Variants in RBM7 observed in about 807,000 individuals in gnomAD.
The protein encoded by RBM7 is RNA binding motif protein 7, also known as RNA-binding protein 7.
A neutral mutation model predicts 31.0 loss-of-function variants in RBM7; 13 were observed. That is an observed-to-expected ratio of 0.42 (90% CI 0.27 to 0.67). The LOEUF is 0.67. RBM7 is among the 30% of genes least tolerant of loss of function. The pLI, the probability that RBM7 is intolerant of heterozygous loss-of-function variation, is 0.24. For missense variants in RBM7, 245 were observed against 326.2 expected, an observed-to-expected ratio of 0.75 and a Z score of 1.92; for synonymous variants, 106 against 111.2, an observed-to-expected ratio of 0.95 and a Z score of 0.30.
chr11:114,402,382 C>CTTTTTTTTTTTTTT lies in RBM7; in HGVS notation c.260-420_260-407dup, dbSNP rs71063570. Among the ~76,000 whole-genome samples, 2 of 50,162 alleles carry CTTTTTTTTTTTTTT rather than the reference C, an allele frequency of 4.0e-5. 1 individual carries two copies. The highest frequency in any genetic ancestry group is 7.8e-5 in the Non-Finnish European group (2 of 25,788). 32.9% of individuals were successfully genotyped at this position (50,162 alleles called of 152,430 possible). A position where few individuals can be genotyped will look rare whatever the true frequency, so the allele number is the denominator to read the frequency against. ...AAGCGGTCTACAGCAGCTTGAGATT[C>CTTTTTTTTTTTTTT]TTTTTTTTTTTTTTTTTTTTTTTTT... On this transcript the variant is annotated intron_variant, in intron 2 of 4. Coordinates refer to ENST00000375490, the MANE Select transcript of RBM7 (RefSeq NM_001286045.2).
rs2135358051 is a variant in RBM7, at chr11:114,407,867, A to G, written c.*60A>G. 3 of 1,495,666 alleles carry G rather than the reference A, an allele frequency of 2.0e-6. No individual in the cohort carries two copies. Among genetic ancestry groups the G allele is most frequent in the Non-Finnish European group, 2.7e-6 (3 of 1,124,940 alleles). 92.6% of individuals were successfully genotyped at this position (1,495,666 alleles called of 1,614,324 possible). A position where few individuals can be genotyped will look rare whatever the true frequency, so the allele number is the denominator to read the frequency against. Reference sequence around the variant, plus strand: ...TTTTAGGCCCTTTGACTAAGTTGATATGGAAATATTTTGTTGAAAAACTGT... The same window carrying G: ...TTTTAGGCCCTTTGACTAAGTTGATGTGGAAATATTTTGTTGAAAAACTGT... On this transcript the variant is annotated 3_prime_UTR_variant, in exon 5 of 5. Transcript: ENST00000375490.
chr11:114,401,725 C>T lies in RBM7; in HGVS notation c.124C>T (p.Pro42Ser). ...TGGGCCAGTAATAAAGGTGAAAATT[C>T]CAAAAGATAAGGATGGTAAACCAAA... ...QAGPVIKVKIPKDKDGKPKQF... is the reference protein window; with the variant it reads ...QAGPVIKVKISKDKDGKPKQF... The change falls in exon 2 of 5, where the codon CCA becomes TCA. Residue 42 changes from proline (P) to serine (S), a missense_variant. Pro to Ser is a moderately conservative substitution (Grantham distance 74). Transcript: ENST00000375490. The T allele has an allele frequency of 6.5e-7, 1 of 1,548,476 alleles. No homozygotes were observed. The highest frequency in any genetic ancestry group is 8.7e-7 in the Non-Finnish European group (1 of 1,155,498).
rs1272215427 is a variant in RBM7, at chr11:114,408,541, G to A, written c.*734G>A. ...GAACAAAAATGTCAGTGCATAGTTA[G>A]ATAAAATGGTAAAATGTTTTACTGA... On this transcript the variant is annotated 3_prime_UTR_variant, in exon 5 of 5. Transcript: ENST00000375490. 1 of 152,704 alleles carries A rather than the reference G, an allele frequency of 6.5e-6. No homozygotes were observed. Among genetic ancestry groups the A allele is most frequent in the East Asian group, 1.9e-4 (1 of 5,332 alleles). 9.5% of individuals were successfully genotyped at this position (152,704 alleles called of 1,614,324 possible).
intron 4 of RBM7, chr11:114,406,017 C>T (rs1344310969): frequency 2.4e-5 from 11 of 463,440 alleles, no homozygotes; most frequent in African/African-American, 1.6e-4. Flanking sequence ...TTAGTTTTCA[C>T]TGGGCTGAAA....
chr11:114,403,158 T>G (rs918648367), intron 3 of RBM7, among the ~76,000 whole-genome samples: 24 of 152,360 alleles, frequency 1.6e-4, no homozygotes, highest in African/African-American at 5.5e-4. Context: ...ATTTGTTGAT[T>G]TGTAGCGACA....
At position 114,410,218 on chromosome 11, in the gene RBM7, T is replaced by A. The variant is rs1184234470; in HGVS notation, c.*2411T>A. ...TTTCCTGTGGAATGCTAGTGTCTCA[T>A]AAAGTCTTCTAAAAAAAAGAAAAAA... On this transcript the variant is annotated 3_prime_UTR_variant, in exon 5 of 5. Coordinates refer to ENST00000375490, the MANE Select transcript of RBM7 (RefSeq NM_001286045.2). The A allele has an allele frequency of 1.4e-5, 2 of 144,974 alleles. No individual in the cohort carries two copies. The highest frequency in any genetic ancestry group is 3.1e-5 in the Non-Finnish European group (2 of 65,386). The allele number at this position is 144,974 out of a possible 1,614,324, so 9.0% of individuals were successfully genotyped here.
At chr11:114,403,229 A>G (rs747146931) in intron 3 of RBM7, among the ~76,000 whole-genome samples, 2 of 152,204 alleles carry the variant, frequency 1.3e-5, no homozygotes, top group Non-Finnish European at 2.9e-5. Context: ...TTCTCAAAAC[A>G]TTATTTACCC....
At position 114,405,749 on chromosome 11, in the gene RBM7, A is replaced by G. The variant is rs769897060; in HGVS notation, c.391A>G (p.Ile131Val). The change falls in exon 4 of 5, where the codon ATA becomes GTA. Residue 131 changes from isoleucine to valine, a missense_variant. By Grantham distance (29) the Ile-to-Val change is conservative. Transcript: ENST00000375490. Reference protein sequence around the residue: ...TMDNMTSSAQIIQRSFSSPEN... With the variant: ...TMDNMTSSAQVIQRSFSSPEN... ...GGATAACATGACTTCATCAGCACAGATAATTCAGAGATCTTTCTCTTCTCC... is the reference window on the plus strand; with the variant it reads ...GGATAACATGACTTCATCAGCACAGGTAATTCAGAGATCTTTCTCTTCTCC... The G allele has an allele frequency of 1.2e-6, 2 of 1,608,898 alleles. No homozygotes were observed. Among genetic ancestry groups the G allele is most frequent in the South Asian group, 2.2e-5 (2 of 89,988 alleles).
chr11:114,400,909 A>G (rs866136209), intron 1 of RBM7, 142 bp downstream of exon 1: 2 of 882,032 alleles, frequency 2.3e-6, no homozygotes, highest in African/African-American at 1.7e-5. Context: ...CTGGGTTGCG[A>G]AACGCTCGCT....
At chr11:114,402,393 T>C (rs1946216249) in intron 2 of RBM7, among the ~76,000 whole-genome samples, 1 of 46,676 alleles carries the variant, frequency 2.1e-5, no homozygotes, top group Non-Finnish European at 3.6e-5. Flanking sequence ...TTTTTTTTTT[T>C]TTTTTTTTTT....
intron 1 of RBM7, among the ~76,000 whole-genome samples, chr11:114,401,241 A>T (rs530738801): frequency 5.9e-5 from 9 of 152,374 alleles, no homozygotes; most frequent in African/African-American, 1.9e-4. Context: ...CTCCGTAGAA[A>T]AACAGCATTT....
In RBM7 at chr11:114,408,461, C is replaced by T. The variant is rs1257864587; in HGVS notation, c.*654C>T. On this transcript the variant is annotated 3_prime_UTR_variant, in exon 5 of 5. Transcript: ENST00000375490. ...CACTCAGGAAGTTAAAATATCTCTA[C>T]ACGTATATTTTTACATTAAAAATAC... 2.0e-5 allele frequency: 3 copies of T among 152,728 alleles called. No individual in the cohort carries two copies. Among genetic ancestry groups the T allele is most frequent in the African/African-American group, 7.2e-5 (3 of 41,430 alleles). The allele number at this position is 152,728 out of a possible 1,614,324, so 9.5% of individuals were successfully genotyped here. A position where few individuals can be genotyped will look rare whatever the true frequency, so the allele number is the denominator to read the frequency against.
intron 2 of RBM7, among the ~76,000 whole-genome samples, chr11:114,402,379 ATTCTTTTTTTTTTTTTTTTTTTTT>A (rs1430608446): frequency 4.7e-5 from 4 of 85,472 alleles, no homozygotes; most frequent in Non-Finnish European, 9.4e-5. Context: ...GCAGCTTGAG[ATTCTTTTTTTTTTTTTTTTTTTTT>A]TTTTTTTTTT....
At chr11:114,404,278 T>C (rs1431277159) in intron 3 of RBM7, among the ~76,000 whole-genome samples, 1 of 152,106 alleles carries the variant, frequency 6.6e-6, no homozygotes, top group Non-Finnish European at 1.5e-5. Context: ...TATTGATGGA[T>C]GAGGTTGATA....
rs531932641 is a variant in RBM7, at chr11:114,405,932, C to T, written c.441+133C>T. 34 of 566,164 alleles carry T rather than the reference C, an allele frequency of 6.0e-5. 1 individual carries two copies. In the South Asian group the frequency reaches 6.2e-4, roughly 10 times the overall value. The allele number at this position is 566,164 out of a possible 1,614,324, so 35.1% of individuals were successfully genotyped here. On this transcript the variant is annotated intron_variant, in intron 4 of 4. Coordinates refer to ENST00000375490, the MANE Select transcript of RBM7 (RefSeq NM_001286045.2). ...GGTTTTGTTCCTTTAGTCCTCAAGGCGTAAGTGAACTTTTTAGATAACTTT... is the reference window on the plus strand; with the variant it reads ...GGTTTTGTTCCTTTAGTCCTCAAGGTGTAAGTGAACTTTTTAGATAACTTT...
chr11:114,410,544 A>C lies in RBM7; in HGVS notation c.*2737A>C, dbSNP rs751784371. 6.6e-6 allele frequency: 1 copy of C among 152,190 alleles called. No individual in the cohort carries two copies. Among genetic ancestry groups the C allele is most frequent in the African/African-American group, 2.4e-5 (1 of 41,444 alleles). 9.4% of individuals were successfully genotyped at this position (152,190 alleles called of 1,614,324 possible). A position where few individuals can be genotyped will look rare whatever the true frequency, so the allele number is the denominator to read the frequency against. ...AGTCTTCTTTCCTCAAATTTATTCC[A>C]CACTCTTAAGAATTGAAGATGTAAA... On this transcript the variant is annotated 3_prime_UTR_variant, in exon 5 of 5. Coordinates refer to ENST00000375490, the MANE Select transcript of RBM7 (RefSeq NM_001286045.2).
chr11:114,407,327 T>G, intron 4 of RBM7, 118 bp from the exon 5 acceptor site: 1 of 985,902 alleles, frequency 1.0e-6, no homozygotes, highest in Non-Finnish European at 1.5e-6. Flanking sequence ...ACTGCTTTAG[T>G]TGTGGATCCA....
rs1946304852 is a variant in RBM7, at chr11:114,408,984, T to C, written c.*1177T>C. The stretch of plus-strand genomic sequence containing the variant: ...ATTGTACACAAAGAATTAACATACT[T>C]TTATTCACTGATTGCCTGCTGTTTA... On this transcript the variant is annotated 3_prime_UTR_variant, in exon 5 of 5. Coordinates refer to ENST00000375490, the MANE Select transcript of RBM7 (RefSeq NM_001286045.2). The C allele has an allele frequency of 1.3e-5, 2 of 152,220 alleles. No homozygotes were observed. The highest frequency in any genetic ancestry group is 2.9e-5 in the Non-Finnish European group (2 of 67,988). 9.4% of individuals were successfully genotyped at this position (152,220 alleles called of 1,614,324 possible). A position where few individuals can be genotyped will look rare whatever the true frequency, so the allele number is the denominator to read the frequency against.
chr11:114,402,858 T>G lies in RBM7; in HGVS notation c.290T>G (p.Leu97Trp), dbSNP rs1256647768. The change falls in exon 3 of 5, where the codon TTG (leucine) becomes TGG (tryptophan). Residue 97 changes from leucine (L) to tryptophan (W), a missense_variant. Transcript: ENST00000375490. ...AGTCATGCCCCACAAGATGTCAGTT[T>G]GTCATATCCCCAACATCATGTTGGA... ...GSSHAPQDVS[L>W]SYPQHHVGNS... The G allele has an allele frequency of 6.2e-7, 1 of 1,613,262 alleles. No homozygotes were observed. The highest frequency in any genetic ancestry group is 8.5e-7 in the Non-Finnish European group (1 of 1,179,296).
Sources: gnomAD v4.1 joint callset for allele counts (sites outside exome capture counted in the v4.1 genomes callset) on GRCh38, gnomAD v4.1.1 for gene constraint, MANE v1.5 for transcripts, NCBI Gene and HGNC (gene_info 2026-07-23, HGNC 2026-07-21) for gene names.